Variants in MGAT4C observed in about 807,000 individuals in gnomAD.
The protein encoded by MGAT4C is alpha-1,3-mannosyl-glycoprotein 4-beta-N-acetylglucosaminyltransferase C.
In MGAT4C, 19 loss-of-function variants were observed where a neutral mutation model predicts 40.1. That is an observed-to-expected ratio of 0.47 (90% CI 0.33 to 0.70). MGAT4C has a LOEUF of 0.70. Ranked by LOEUF, MGAT4C falls within the 30% of genes least tolerant of loss-of-function variation. The pLI, the probability that MGAT4C is intolerant of heterozygous loss-of-function variation, is 0.02. For missense variants in MGAT4C, 491 were observed against 563.2 expected, an observed-to-expected ratio of 0.87 and a Z score of 1.30; for synonymous variants, 181 against 187.1, an observed-to-expected ratio of 0.97 and a Z score of 0.27.
intron 2 of MGAT4C, among the ~76,000 whole-genome samples, chr12:86,562,631 C>T (rs1469208225): frequency 1.3e-5 from 2 of 151,982 alleles, no homozygotes; most frequent in African/African-American, 4.8e-5. Flanking sequence ...TCCCCAACAC[C>T]TCTGTTTGCT....
intron 1 of MGAT4C, among the ~76,000 whole-genome samples, chr12:86,234,095 C>T (rs1346300107): frequency 6.6e-6 from 1 of 151,888 alleles, no homozygotes; most frequent in Non-Finnish European, 1.5e-5. Context: ...GAAAATGGGC[C>T]AGGATGAACA....
chr12:86,502,771 ATACACGAGTTCTGCTCATATATATGT>A (rs1341303425), intron 2 of MGAT4C, among the ~76,000 whole-genome samples: 1 of 131,588 alleles, frequency 7.6e-6, no homozygotes, highest in African/African-American at 2.7e-5. Context: ...ATATATATGT[ATACACGAGTTCTGCTCATATATATGT>A]ATACACGAGT....
chr12:86,496,164 T>C (rs1958230829), intron 2 of MGAT4C, among the ~76,000 whole-genome samples: 1 of 151,964 alleles, frequency 6.6e-6, no homozygotes, highest in African/African-American at 2.4e-5. Context: ...GTGGATGCAT[T>C]TGATGATGGG....
Position 85,958,031 on chromosome 12 carries a change from G to A in MGAT4C, c.*21258C>T, listed in dbSNP as rs553579440. 1.7e-5 allele frequency: 2 copies of A among 118,276 alleles called. No individual in the cohort carries two copies. Among genetic ancestry groups the A allele is most frequent in the South Asian group, 4.5e-4 (2 of 4,432 alleles). The allele number at this position is 118,276 out of a possible 1,614,324, so 7.3% of individuals were successfully genotyped here. ...ACTGAATTGTTTACAGTTTTTCTAA[G>A]TGTTTTTGTGTGTGTGTGTGTGTGT... is the stretch of plus-strand genomic sequence containing the variant. On this transcript the variant is annotated 3_prime_UTR_variant, in exon 5 of 5. Coordinates refer to ENST00000611864, the MANE Select transcript of MGAT4C (RefSeq NM_001351288.2).
At chr12:86,483,147 T>G (rs1193211050) in intron 2 of MGAT4C, among the ~76,000 whole-genome samples, 1 of 152,084 alleles carries the variant, frequency 6.6e-6, no homozygotes, top group Non-Finnish European at 1.5e-5. Context: ...GCAGAAGGGG[T>G]GAAGGAGCTA....
intron 4 of MGAT4C, among the ~76,000 whole-genome samples, chr12:86,298,774 T>G (rs986202175): frequency 3.9e-5 from 6 of 152,136 alleles, no homozygotes; most frequent in African/African-American, 1.4e-4. Context: ...AGTCAACTAG[T>G]AGACTGTAAG....
At chr12:86,645,330 C>A in intron 2 of MGAT4C, among the ~76,000 whole-genome samples, 1 of 151,632 alleles carries the variant, frequency 6.6e-6, no homozygotes, top group East Asian at 1.9e-4. Flanking sequence ...TGAGATCACT[C>A]ATGTATTACA....
chr12:86,423,347 G>T (rs1278912568), intron 3 of MGAT4C, among the ~76,000 whole-genome samples: 1 of 151,372 alleles, frequency 6.6e-6, no homozygotes, highest in Non-Finnish European at 1.5e-5. Context: ...TATGGAAGTT[G>T]GAGTTTTAAT....
intron 3 of MGAT4C, among the ~76,000 whole-genome samples, chr12:86,428,294 T>C (rs1237427490): frequency 6.6e-6 from 1 of 152,094 alleles, no homozygotes; most frequent in Non-Finnish European, 1.5e-5. Flanking sequence ...GTAATATAAG[T>C]AGGGTTTGAA....
intron 3 of MGAT4C, among the ~76,000 whole-genome samples, chr12:86,373,973 T>G (rs752774858): frequency 6.6e-6 from 1 of 152,096 alleles, no homozygotes; most frequent in Non-Finnish European, 1.5e-5. Context: ...ATACTTTGAA[T>G]GTGTACTAAG....
chr12:86,154,615 G>T (rs147746509), intron 1 of MGAT4C, among the ~76,000 whole-genome samples: 2 of 152,236 alleles, frequency 1.3e-5, no homozygotes, highest in African/African-American at 4.8e-5. Flanking sequence ...CAGTGAATCT[G>T]CCCAACGGAA....
chr12:86,630,122 C>A (rs1244347564), intron 2 of MGAT4C, among the ~76,000 whole-genome samples: 1 of 152,144 alleles, frequency 6.6e-6, no homozygotes, highest in Non-Finnish European at 1.5e-5. Flanking sequence ...ATACTATAAA[C>A]ACCTCTACGC....
chr12:86,097,081 C>G (rs1206877764), intron 1 of MGAT4C, among the ~76,000 whole-genome samples: 1 of 151,566 alleles, frequency 6.6e-6, no homozygotes, highest in African/African-American at 2.4e-5. Flanking sequence ...AGCTTTCTTT[C>G]AAGTTCGAGT....
intron 4 of MGAT4C, among the ~76,000 whole-genome samples, chr12:86,265,584 C>T (rs549112218): frequency 1.3e-5 from 2 of 152,058 alleles, no homozygotes; most frequent in African/African-American, 2.4e-5. Context: ...TGAAGTCAGG[C>T]GATGTGATAC....
intron 4 of MGAT4C, among the ~76,000 whole-genome samples, chr12:86,284,314 TC>T (rs1156578861): frequency 6.6e-6 from 1 of 151,884 alleles, no homozygotes; most frequent in Non-Finnish European, 1.5e-5. Context: ...CACATTTTTT[TC>T]CTCTATCTCT....
chr12:86,402,817 T>C (rs569199499), intron 3 of MGAT4C, among the ~76,000 whole-genome samples: 1 of 152,146 alleles, frequency 6.6e-6, no homozygotes, highest in South Asian at 2.1e-4. Context: ...GCAGCATTAC[T>C]GATGGAATTT....
At chr12:86,364,407 T>C (rs1157137255) in intron 3 of MGAT4C, among the ~76,000 whole-genome samples, 2 of 152,180 alleles carry the variant, frequency 1.3e-5, no homozygotes, top group African/African-American at 2.4e-5. Context: ...CTAAGTTTTC[T>C]TCCAGGATTT....
chr12:86,211,850 C>G (rs1487058280), intron 1 of MGAT4C, among the ~76,000 whole-genome samples: 2 of 151,960 alleles, frequency 1.3e-5, no homozygotes, highest in African/African-American at 2.4e-5. Context: ...AAAGTAAGCC[C>G]TGCTAATGTG....
chr12:86,732,045 T>G (rs1565953619), intron 1 of MGAT4C, among the ~76,000 whole-genome samples: 1 of 152,324 alleles, frequency 6.6e-6, no homozygotes, highest in Non-Finnish European at 1.5e-5. Context: ...TTCGATTTTC[T>G]ATTTTCAGCC....
Sources: gnomAD v4.1 joint callset for allele counts (sites outside exome capture counted in the v4.1 genomes callset) on GRCh38, gnomAD v4.1.1 for gene constraint, MANE v1.5 for transcripts, NCBI Gene and HGNC (gene_info 2026-07-23, HGNC 2026-07-21) for gene names.